Variants in SCHIP1 observed in about 807,000 individuals in gnomAD.
The protein encoded by SCHIP1 is schwannomin-interacting protein 1.
Under a neutral mutation model 29.7 loss-of-function variants are expected in SCHIP1, and 8 were observed. The observed-to-expected ratio is 0.27, with a 90% CI of 0.16 to 0.49. The LOEUF is 0.49. Among genes scored for constraint, SCHIP1 ranks in the 20% least tolerant of loss-of-function variants. The probability of loss-of-function intolerance (pLI) is 0.99; values close to 1 mark genes in which losing one functional copy is unlikely to be tolerated. For synonymous variants in SCHIP1, 76 were observed against 94.9 expected (o/e 0.80, Z 1.16); for missense variants, 193 against 294.6 (o/e 0.66, Z 2.52).
At chr3:159,516,528 TA>T in the SCHIP1 span, among the ~76,000 whole-genome samples, 1 of 152,254 alleles carries the variant, frequency 6.6e-6, no homozygotes, top group African/African-American at 2.4e-5. Flanking sequence ...AACTGCCCTC[TA>T]AAAACATTTT....
chr3:159,855,712 G>T (rs1259929177), intron 1 of SCHIP1, among the ~76,000 whole-genome samples: 1 of 151,656 alleles, frequency 6.6e-6, no homozygotes, highest in Non-Finnish European at 1.5e-5. Context: ...GAGGTCAATT[G>T]TCAAAAACAA....
At chr3:159,819,924 T>A in the SCHIP1 span, among the ~76,000 whole-genome samples, 1 of 152,208 alleles carries the variant, frequency 6.6e-6, no homozygotes, top group East Asian at 1.9e-4. Flanking sequence ...GGATGAGGGT[T>A]AGCCCCCAGC....
the SCHIP1 span, among the ~76,000 whole-genome samples, chr3:159,713,670 G>A: frequency 6.6e-6 from 1 of 152,194 alleles, no homozygotes; most frequent in Non-Finnish European, 1.5e-5. Context: ...GATTCAGGGG[G>A]TCTATACAGA....
chr3:159,494,430 C>A, the SCHIP1 span, among the ~76,000 whole-genome samples: 10 of 151,970 alleles, frequency 6.6e-5, no homozygotes, highest in African/African-American at 2.4e-4. Context: ...ATATCACCAC[C>A]GATCCCACAG....
At chr3:159,447,858 G>T in the SCHIP1 span, among the ~76,000 whole-genome samples, 1 of 151,792 alleles carries the variant, frequency 6.6e-6, no homozygotes, top group Non-Finnish European at 1.5e-5. Context: ...TTTTCCTTTT[G>T]CATTCATTTT....
the SCHIP1 span, among the ~76,000 whole-genome samples, chr3:159,319,032 AC>A: frequency 5.9e-5 from 9 of 152,314 alleles, no homozygotes; most frequent in South Asian, 1.7e-3. Flanking sequence ...AAAGGTTCAA[AC>A]AGCATCCCTA....
the SCHIP1 span, among the ~76,000 whole-genome samples, chr3:159,465,159 G>A: frequency 6.6e-6 from 1 of 152,204 alleles, no homozygotes; most frequent in South Asian, 2.1e-4. Flanking sequence ...AGGGAGCTAA[G>A]TTTTCTACTG....
At chr3:159,731,757 G>A in the SCHIP1 span, among the ~76,000 whole-genome samples, 7 of 152,290 alleles carry the variant, frequency 4.6e-5, no homozygotes, top group Middle Eastern at 3.4e-3. Context: ...TATAATTGAG[G>A]AAGACTTCAC....
At chr3:159,470,549 T>C in the SCHIP1 span, among the ~76,000 whole-genome samples, 1 of 152,142 alleles carries the variant, frequency 6.6e-6, no homozygotes, top group African/African-American at 2.4e-5. Context: ...ATATATGTCC[T>C]ATTTGAAGAA....
At chr3:159,577,337 C>T in the SCHIP1 span, among the ~76,000 whole-genome samples, 1 of 152,290 alleles carries the variant, frequency 6.6e-6, no homozygotes, top group Middle Eastern at 3.4e-3. Context: ...TGCACAGTTG[C>T]TGAAGTTCAT....
At chr3:159,442,157 A>G in the SCHIP1 span, among the ~76,000 whole-genome samples, 1 of 152,172 alleles carries the variant, frequency 6.6e-6, no homozygotes, top group African/African-American at 2.4e-5. Context: ...TTTGAGCTGT[A>G]TCAGCCAGGG....
At chr3:159,813,227 A>G in the SCHIP1 span, among the ~76,000 whole-genome samples, 1 of 151,954 alleles carries the variant, frequency 6.6e-6, no homozygotes, top group African/African-American at 2.4e-5. Flanking sequence ...GTTTTTTTTT[A>G]CTTTACAAAG....
the SCHIP1 span, among the ~76,000 whole-genome samples, chr3:159,411,325 G>T: frequency 1.3e-5 from 2 of 152,008 alleles, no homozygotes; most frequent in African/African-American, 4.8e-5. Flanking sequence ...GCTTGATGTG[G>T]ATGGATACCC....
At chr3:159,507,446 AATGTCCTTT>A in the SCHIP1 span, among the ~76,000 whole-genome samples, 1 of 152,136 alleles carries the variant, frequency 6.6e-6, no homozygotes, top group Non-Finnish European at 1.5e-5. Context: ...TTCCTAATTG[AATGTCCTTT>A]ATTTCCTTCT....
the SCHIP1 span, among the ~76,000 whole-genome samples, chr3:159,650,154 T>C: frequency 2.6e-3 from 393 of 152,286 alleles, 12 homozygotes; most frequent in East Asian, 0.061. Flanking sequence ...GGACAGATGG[T>C]ATTCTGTCCC....
the SCHIP1 span, among the ~76,000 whole-genome samples, chr3:159,358,956 T>G: frequency 1.6e-5 from 2 of 128,508 alleles, no homozygotes; most frequent in Non-Finnish European, 3.2e-5. Flanking sequence ...TGAGACAGAG[T>G]CTTGCTCTGT....
At chr3:159,700,021 T>C in the SCHIP1 span, among the ~76,000 whole-genome samples, 75 of 152,314 alleles carry the variant, frequency 4.9e-4, no homozygotes, top group African/African-American at 1.8e-3. Context: ...GGCCATCTCA[T>C]TTCACAGGGT....
At chr3:159,389,608 A>C in the SCHIP1 span, among the ~76,000 whole-genome samples, 1 of 152,080 alleles carries the variant, frequency 6.6e-6, no homozygotes, top group East Asian at 1.9e-4. Flanking sequence ...ATTGTTTCTG[A>C]TAGAAAAAAA....
chr3:159,895,430 A>G (rs139550140), intron 6 of SCHIP1, among the ~76,000 whole-genome samples: 1 of 152,308 alleles, frequency 6.6e-6, no homozygotes, highest in Non-Finnish European at 1.5e-5. Flanking sequence ...TAAACGTTTG[A>G]TTATAGCTGG....
Sources: gnomAD v4.1 joint callset for allele counts (sites outside exome capture counted in the v4.1 genomes callset) on GRCh38, gnomAD v4.1.1 for gene constraint, MANE v1.5 for transcripts, NCBI Gene and HGNC (gene_info 2026-07-23, HGNC 2026-07-21) for gene names.